Variants in CBLB observed in about 807,000 individuals in gnomAD.
CBLB encodes Cbl proto-oncogene B.
In CBLB, 31 loss-of-function variants were observed where a neutral mutation model predicts 104.9. The observed-to-expected ratio is 0.30, with a 90% CI of 0.22 to 0.40. The LOEUF (loss-of-function observed/expected upper bound fraction) is 0.40. CBLB is among the 10% of genes least tolerant of loss of function. The pLI, the probability that CBLB is intolerant of heterozygous loss-of-function variation, is 1.00. For synonymous variants in CBLB, 440 were observed against 422.6 expected (o/e 1.04, Z -0.51); for missense variants, 1,062 against 1,214.6 (o/e 0.87, Z 1.87).
chr3:105,688,596 C>A (rs1422065559), intron 13 of CBLB, among the ~76,000 whole-genome samples: 1 of 152,008 alleles, frequency 6.6e-6, no homozygotes, highest in Non-Finnish European at 1.5e-5. Flanking sequence ...AAAATAGAAT[C>A]TTTAGAGCTT....
intron 10 of CBLB, among the ~76,000 whole-genome samples, chr3:105,717,397 G>A (rs567427215): frequency 1.3e-5 from 2 of 152,194 alleles, no homozygotes; most frequent in Non-Finnish European, 2.9e-5. Flanking sequence ...TGCTTACTAT[G>A]TCCTAGACCT....
intron 3 of CBLB, among the ~76,000 whole-genome samples, chr3:105,780,040 A>G (rs1025308272): frequency 6.6e-6 from 1 of 151,750 alleles, no homozygotes; most frequent in African/African-American, 2.4e-5. Flanking sequence ...TTTAGTAGAG[A>G]CGGGGTTTCA....
At chr3:105,836,718 C>A (rs1313427523) in intron 3 of CBLB, among the ~76,000 whole-genome samples, 1 of 152,068 alleles carries the variant, frequency 6.6e-6, no homozygotes, top group Non-Finnish European at 1.5e-5. Flanking sequence ...TACAAAAACA[C>A]ACAAAACCAC....
intron 3 of CBLB, among the ~76,000 whole-genome samples, chr3:105,847,864 C>T (rs1218963334): frequency 6.6e-6 from 1 of 152,102 alleles, no homozygotes; most frequent in East Asian, 1.9e-4. Context: ...AGAAATGCCT[C>T]CTATCAATTA....
chr3:105,860,118 G>A (rs1009537539), intron 2 of CBLB, among the ~76,000 whole-genome samples: 1 of 152,160 alleles, frequency 6.6e-6, no homozygotes, highest in Non-Finnish European at 1.5e-5. Context: ...AAATGAGAAT[G>A]GAACTTCCTT....
rs1706629844 is a variant in CBLB at position 105,868,799 on chromosome 3, C to G, written c.-78G>C. 7 of 992,382 alleles carry G rather than the reference C, an allele frequency of 7.1e-6. No individual in the cohort carries two copies. Among genetic ancestry groups the G allele is most frequent in the Non-Finnish European group, 8.4e-6 (7 of 834,754 alleles). 61.5% of individuals were successfully genotyped at this position (992,382 alleles called of 1,614,324 possible). On this transcript the variant is annotated 5_prime_UTR_variant, in exon 1 of 19. Coordinates refer to ENST00000394030, the MANE Select transcript of CBLB (RefSeq NM_170662.5). ...CGGGTCCCACTCCACACGCACGCAG[C>G]CCAGTGTGTGTGGGGAGCCCCGGCT...
chr3:105,801,653 G>T (rs1439628290), intron 3 of CBLB, among the ~76,000 whole-genome samples: 2 of 152,170 alleles, frequency 1.3e-5, no homozygotes, highest in Non-Finnish European at 2.9e-5. Context: ...CCTAAAACAG[G>T]CTGGGCCTTG....
At chr3:105,734,243 C>CA in intron 8 of CBLB, 103 bp from the exon 9 acceptor site, 2 of 1,123,818 alleles carry the variant, frequency 1.8e-6, no homozygotes, top group Non-Finnish European at 2.7e-6. Context: ...CAATATCTCA[C>CA]AATTGACCTT....
chr3:105,755,924 T>C (rs975939968), intron 4 of CBLB, among the ~76,000 whole-genome samples: 1 of 152,204 alleles, frequency 6.6e-6, no homozygotes, highest in South Asian at 2.1e-4. Context: ...CGTGGAAAAG[T>C]GTTCATGGGA....
chr3:105,772,447 T>C (rs1236148279), intron 4 of CBLB, among the ~76,000 whole-genome samples: 1 of 152,134 alleles, frequency 6.6e-6, no homozygotes, highest in African/African-American at 2.4e-5. Flanking sequence ...GAAACTCTTC[T>C]AGACATTAGC....
At chr3:105,748,630 A>T (rs1021666363) in intron 5 of CBLB, among the ~76,000 whole-genome samples, 1 of 152,208 alleles carries the variant, frequency 6.6e-6, no homozygotes, top group African/African-American at 2.4e-5. Context: ...AGTGACTTTG[A>T]GAGAAAAGAG....
intron 3 of CBLB, among the ~76,000 whole-genome samples, chr3:105,836,629 T>A (rs1036434346): frequency 7.2e-5 from 11 of 152,270 alleles, no homozygotes; most frequent in East Asian, 1.9e-4. Flanking sequence ...AGGGCAAATA[T>A]GACGGTTTCT....
intron 17 of CBLB, chr3:105,670,942 C>A (rs1456695678): frequency 6.0e-6 from 1 of 166,132 alleles, no homozygotes; most frequent in Non-Finnish European, 1.3e-5. Context: ...AGTTGGCTCA[C>A]AAAATAGTAA....
At chr3:105,748,796 T>C (rs1321573397) in intron 5 of CBLB, among the ~76,000 whole-genome samples, 1 of 152,188 alleles carries the variant, frequency 6.6e-6, no homozygotes, top group Admixed American at 6.5e-5. Context: ...TCATTCCCTC[T>C]GCAATTCTCA....
At chr3:105,802,219 A>G (rs2082959990) in intron 3 of CBLB, among the ~76,000 whole-genome samples, 1 of 152,176 alleles carries the variant, frequency 6.6e-6, no homozygotes, top group Non-Finnish European at 1.5e-5. Flanking sequence ...TCCTTACTGT[A>G]GCTTTCATGC....
intron 4 of CBLB, among the ~76,000 whole-genome samples, chr3:105,768,985 A>G (rs34360428): frequency 0.069 from 10,464 of 152,264 alleles, 524 homozygotes; most frequent in Admixed American, 0.15. Flanking sequence ...GAGGATAGAC[A>G]TCGTCCATCT....
chr3:105,681,800 G>A lies in CBLB; in HGVS notation c.2220C>T (p.His740=). The change falls in exon 15 of 19, where the codon CAC becomes CAT. Residue 740 remains histidine, a synonymous_variant. Coordinates refer to ENST00000394030, the MANE Select transcript of CBLB (RefSeq NM_170662.5). ...KPPVRSCDNG[H]CMLNGTHGPS... ...GACCATGTGTTCCATTCAGCATACA[G>A]TGACCATTATCACAAGACCTAAAGG... 2 of 1,606,010 alleles carry A rather than the reference G, an allele frequency of 1.2e-6. No individual in the cohort carries two copies. Among genetic ancestry groups the A allele is most frequent in the Non-Finnish European group, 1.7e-6 (2 of 1,173,016 alleles).
At chr3:105,679,058 G>C (rs2065985874) in intron 16 of CBLB, among the ~76,000 whole-genome samples, 1 of 151,866 alleles carries the variant, frequency 6.6e-6, no homozygotes, top group Non-Finnish European at 1.5e-5. Flanking sequence ...TATTCCACTG[G>C]ATTTTAATTT....
intron 10 of CBLB, among the ~76,000 whole-genome samples, chr3:105,718,862 T>TCATGTATCTTC (rs772405661): frequency 6.6e-6 from 1 of 152,200 alleles, no homozygotes; most frequent in Non-Finnish European, 1.5e-5. Context: ...AATTGGGATT[T>TCATGTATCTTC]CATGTATCTT....
Sources: gnomAD v4.1 joint callset for allele counts (sites outside exome capture counted in the v4.1 genomes callset) on GRCh38, gnomAD v4.1.1 for gene constraint, MANE v1.5 for transcripts, NCBI Gene and HGNC (gene_info 2026-07-23, HGNC 2026-07-21) for gene names.